The following SHANK1 variants were observed in gnomAD, a reference collection of about 807,000 sequenced individuals.
The protein encoded by SHANK1 is SH3 and multiple ankyrin repeat domains protein 1.
SHANK1 carries 35 observed loss-of-function variants against 165.6 expected under a neutral mutation model. The observed-to-expected ratio is 0.21, with a 90% CI of 0.16 to 0.28. The LOEUF is 0.28. Among genes scored for constraint, SHANK1 ranks in the 10% least tolerant of loss-of-function variants. The probability of loss-of-function intolerance (pLI) is 1.00; values close to 1 mark genes in which losing one functional copy is unlikely to be tolerated. For synonymous variants in SHANK1, 1,428 were observed against 1,384.8 expected (o/e 1.03, Z -0.69); for missense variants, 2,681 against 3,036.4 (o/e 0.88, Z 2.75).
chr19:50,662,583 T>C lies in SHANK1; in HGVS notation c.5868A>G (p.Thr1956=), dbSNP rs1271201208. ...KPPLPPLPTG[T]GVSPTAAAAP... Reference sequence around the variant, plus strand: ...CCGCAGCGGCTGTAGGGGAGACCCCTGTTCCGGTGGGGAGTGGCGGCAGAG... The same window carrying C: ...CCGCAGCGGCTGTAGGGGAGACCCCCGTTCCGGTGGGGAGTGGCGGCAGAG... The change falls in exon 24 of 24, where the codon ACA becomes ACG. Residue 1956 remains threonine (T), a synonymous_variant. Transcript: ENST00000293441. The surrounding 1 kb of genome is among the most constrained non-coding windows in gnomAD (Gnocchi z 7.7). 6.4e-7 allele frequency: 1 copy of C among 1,565,268 alleles called. No homozygotes were observed. The highest frequency in any genetic ancestry group is 1.9e-5 in the Admixed American group (1 of 52,508).
Position 50,688,152 on chromosome 19 carries a change from C to T in SHANK1, c.2173-94G>A, listed in dbSNP as rs1986420826. 1.4e-6 allele frequency: 2 copies of T among 1,463,720 alleles called. No homozygotes were observed. The highest frequency in any genetic ancestry group is 1.9e-6 in the Non-Finnish European group (2 of 1,064,004). The allele number at this position is 1,463,720 out of a possible 1,614,324, so 90.7% of individuals were successfully genotyped here. On this transcript the variant is annotated intron_variant, in intron 17 of 23. Coordinates refer to ENST00000293441, the MANE Select transcript of SHANK1 (RefSeq NM_016148.5). The surrounding 1 kb of genome is among the most constrained non-coding windows in gnomAD (Gnocchi z 6.7). ...CCAAGGAGGATGCCTCCTGCGCTGC[C>T]CTGTCCATGGCCCTCTGGGCTATGT...
intron 19 of SHANK1, among the ~76,000 whole-genome samples, chr19:50,687,261 G>A (rs1335506174): frequency 2.0e-5 from 3 of 151,934 alleles, no homozygotes; most frequent in Non-Finnish European, 2.9e-5. Context: ...GGGGGAGCTG[G>A]TGGAGGGAGA....
intron 21 of SHANK1, among the ~76,000 whole-genome samples, chr19:50,685,346 T>C (rs1417937417): frequency 6.6e-6 from 1 of 152,202 alleles, no homozygotes; most frequent in Non-Finnish European, 1.5e-5. Context: ...CCTCCTTCCT[T>C]GAGCCTCAGT....
Position 50,668,601 on chromosome 19 carries a change from G to A in SHANK1, c.3359C>T (p.Pro1120Leu). Residue 1120 changes from proline (P) to leucine (L), a missense_variant, in exon 23 of 24, where the codon CCC becomes CTC. By Grantham distance (98) the Pro-to-Leu change is moderately conservative. Transcript: ENST00000293441. ...GGGCGGGAGGCCGCCGCCCTTCTGG[G>A]GCTCGCCTTCCACCTTGGTCTGCTT... The part of the protein sequence containing the change: ...LVKQTKVEGE[P>L]QKGGGLPPAP... 1 of 1,367,340 alleles carries A rather than the reference G, an allele frequency of 7.3e-7. No homozygotes were observed. Among genetic ancestry groups the A allele is most frequent in the Non-Finnish European group, 9.5e-7 (1 of 1,056,600 alleles). 84.7% of individuals were successfully genotyped at this position (1,367,340 alleles called of 1,614,324 possible).
rs979114817 is a variant in SHANK1 at position 50,684,303 on chromosome 19, G to A, written c.2577+1934C>T. ...TGCAATGGTGCGATCTCGGCTTACT[G>A]CAACCCCCGCCTCGCGGGTTCAAGC... On this transcript the variant is annotated intron_variant, in intron 21 of 23. Transcript: ENST00000293441. 2.6e-5 allele frequency among the ~76,000 whole-genome samples: 4 copies of A among 151,442 alleles called. 1 individual carries two copies. Among genetic ancestry groups the A allele is most frequent in the Admixed American group, 2.0e-4 (3 of 15,210 alleles).
Position 50,666,095 on chromosome 19 carries a change from GT to G in SHANK1, c.5768+96del, listed in dbSNP as rs1985495720. On this transcript the variant is annotated intron_variant, in intron 23 of 23. Coordinates refer to ENST00000293441, the MANE Select transcript of SHANK1 (RefSeq NM_016148.5). ...GTGACAGCAAACTCCTGCCAACCTG[GT>G]TTCTGTTTCCTTTCTGCCACCCTGA... is the stretch of plus-strand genomic sequence containing the variant. 3 of 1,217,884 alleles carry G rather than the reference GT, an allele frequency of 2.5e-6. No homozygotes were observed. The Admixed American group carries it at 9.4e-5, about 38-fold the overall frequency. 75.4% of individuals were successfully genotyped at this position (1,217,884 alleles called of 1,614,324 possible).
At chr19:50,669,335 C>G (rs1157560892) in intron 22 of SHANK1, 50 bp from the exon 23 acceptor site, 7 of 1,243,276 alleles carry the variant, frequency 5.6e-6, no homozygotes, top group Non-Finnish European at 8.1e-6. Flanking sequence ...GGGAGGGTCT[C>G]CCTGCTCCAC....
At position 50,697,639 on chromosome 19, in the gene SHANK1, T is replaced by C. The variant is rs1416548875; in HGVS notation, c.1887A>G (p.Arg629=). 1 of 1,613,446 alleles carries C rather than the reference T, an allele frequency of 6.2e-7. No homozygotes were observed. The highest frequency in any genetic ancestry group is 1.3e-5 in the African/African-American group (1 of 74,786). ...KQESRSDKAK[R]LFRHYTVGSY... ...AGCCCACGGTATAATGCCGGAAGAG[T>C]CTCTTTGCCTTGTCACTGCGGCTTT... Residue 629 remains arginine (R), a synonymous_variant, in exon 14 of 24, where the codon AGA becomes AGG. Coordinates refer to ENST00000293441, the MANE Select transcript of SHANK1 (RefSeq NM_016148.5). This position sits in a 1 kb window ranked among gnomAD's most constrained non-coding sequence, Gnocchi z 4.7.
rs1239282118 is a variant in SHANK1, at chr19:50,660,374, G to A, written c.*1591C>T. ...AGAGGGAGGATGTGAGGAAGGGTGA[G>A]GGCTGGAGGCAGGGAGAGGCTCGAG... On this transcript the variant is annotated 3_prime_UTR_variant, in exon 24 of 24. Coordinates refer to ENST00000293441, the MANE Select transcript of SHANK1 (RefSeq NM_016148.5). Among the ~76,000 whole-genome samples, 6 of 152,064 alleles carry A rather than the reference G, an allele frequency of 3.9e-5. No individual in the cohort carries two copies. The highest frequency in any genetic ancestry group is 8.8e-5 in the Non-Finnish European group (6 of 67,996).
chr19:50,680,114 G>T (rs745744744), intron 21 of SHANK1, among the ~76,000 whole-genome samples: 5 of 151,980 alleles, frequency 3.3e-5, no homozygotes, highest in Non-Finnish European at 7.4e-5. Context: ...AAAGACAGAT[G>T]GGGGAGAGAG....
intron 4 of SHANK1, among the ~76,000 whole-genome samples, chr19:50,714,565 C>T (rs1481471178): frequency 2.0e-5 from 3 of 151,866 alleles, no homozygotes; most frequent in Non-Finnish European, 2.9e-5. Flanking sequence ...TGTGGTGGCA[C>T]ACGCCTGTAG....
In SHANK1 at chr19:50,713,790, A is replaced by C; in HGVS notation, c.792+8T>G. 1 of 1,612,082 alleles carries C rather than the reference A, an allele frequency of 6.2e-7. No individual in the cohort carries two copies. The highest frequency in any genetic ancestry group is 8.5e-7 in the Non-Finnish European group (1 of 1,179,346). Reference sequence around the variant, plus strand: ...CATGGCGGGGATGGGGGGTCCCCGAAGCCTCACCGTGAGTGCCAGGCAGTG... The same window carrying C: ...CATGGCGGGGATGGGGGGTCCCCGACGCCTCACCGTGAGTGCCAGGCAGTG... On this transcript the variant is annotated splice_region_variant and intron_variant, in intron 6 of 23. Coordinates refer to ENST00000293441, the MANE Select transcript of SHANK1 (RefSeq NM_016148.5). The surrounding 1 kb of genome is among the most constrained non-coding windows in gnomAD (Gnocchi z 6.2).
rs573986834 is a variant in SHANK1, at chr19:50,714,093, A to G, written c.640+89T>C. On this transcript the variant is annotated intron_variant, in intron 5 of 23. Coordinates refer to ENST00000293441, the MANE Select transcript of SHANK1 (RefSeq NM_016148.5). ...GACAGCAATGTGTTTGGGAGACACCAGTCAGGAATGGATGTGAATGCAGAT... is the reference window on the plus strand; with the variant it reads ...GACAGCAATGTGTTTGGGAGACACCGGTCAGGAATGGATGTGAATGCAGAT... 240 of 1,524,798 alleles carry G rather than the reference A, an allele frequency of 1.6e-4. No homozygotes were observed. The African/African-American group carries it at 2.0e-3, about 13-fold the overall frequency. 94.5% of individuals were successfully genotyped at this position (1,524,798 alleles called of 1,614,324 possible). A position where few individuals can be genotyped will look rare whatever the true frequency, so the allele number is the denominator to read the frequency against.
chr19:50,662,064 C>G lies in SHANK1; in HGVS notation c.6387G>C (p.Leu2129=). 1.2e-6 allele frequency: 2 copies of G among 1,614,224 alleles called. No individual in the cohort carries two copies. The highest frequency in any genetic ancestry group is 1.7e-6 in the Non-Finnish European group (2 of 1,180,044). The change falls in exon 24 of 24, where the codon CTG becomes CTC. Residue 2129 remains leucine, a synonymous_variant. Transcript: ENST00000293441. The surrounding 1 kb of genome is among the most constrained non-coding windows in gnomAD (Gnocchi z 7.7). ...CGTAGTCCTCCTTGGTCAAGGCGGG[C>G]AGGTGGGAGCCATCGATCTCGTGGT... ...FLDHEIDGSH[L]PALTKEDYVD...
At chr19:50,692,149 T>C (rs1243247450) in intron 15 of SHANK1, among the ~76,000 whole-genome samples, 1 of 152,048 alleles carries the variant, frequency 6.6e-6, no homozygotes, top group Non-Finnish European at 1.5e-5. Context: ...TGAGCACATA[T>C]ATCCATCTGC....
chr19:50,687,667 A>G lies in SHANK1; in HGVS notation c.2309-5T>C, dbSNP rs1051916756. 1.4e-5 allele frequency: 21 copies of G among 1,484,660 alleles called. No individual in the cohort carries two copies. The highest frequency in any genetic ancestry group is 1.6e-5 in the Non-Finnish European group (18 of 1,117,570). 92.0% of individuals were successfully genotyped at this position (1,484,660 alleles called of 1,614,324 possible). A position where few individuals can be genotyped will look rare whatever the true frequency, so the allele number is the denominator to read the frequency against. ...GCCGCTTGGCCTGCTGGGGTGCTGA[A>G]AAGGTGATGAGGGGAGGCATCAGTA... On this transcript the variant is annotated splice_region_variant and splice_polypyrimidine_tract_variant and intron_variant, in intron 18 of 23. Coordinates refer to ENST00000293441, the MANE Select transcript of SHANK1 (RefSeq NM_016148.5).
rs1986348052 is a variant in SHANK1, at chr19:50,686,661, G to T, written c.2458+83C>A. On this transcript the variant is annotated intron_variant, in intron 20 of 23. Transcript: ENST00000293441. The surrounding 1 kb of genome is among the most constrained non-coding windows in gnomAD (Gnocchi z 5.7). ...CTGGGGCAGGAAGGTGAGGGGCGCC[G>T]TGGGGTTCATGGTGGGACAGGGATG... 1.5e-6 allele frequency: 2 copies of T among 1,311,976 alleles called. No homozygotes were observed. Among genetic ancestry groups the T allele is most frequent in the South Asian group, 2.4e-5 (2 of 82,008 alleles). The allele number at this position is 1,311,976 out of a possible 1,614,324, so 81.3% of individuals were successfully genotyped here. A position where few individuals can be genotyped will look rare whatever the true frequency, so the allele number is the denominator to read the frequency against.
intron 22 of SHANK1, among the ~76,000 whole-genome samples, chr19:50,671,510 G>A (rs1159485064): frequency 1.3e-5 from 2 of 149,948 alleles, no homozygotes; most frequent in East Asian, 3.9e-4. Context: ...TCCATAGCAC[G>A]TACAACTGCT....
At chr19:50,684,265 G>A (rs992165516) in intron 21 of SHANK1, among the ~76,000 whole-genome samples, 2 of 150,446 alleles carry the variant, frequency 1.3e-5, no homozygotes, top group Admixed American at 6.7e-5. Flanking sequence ...CGCTTTTGTC[G>A]CCCAGGCTGG....
Sources: allele counts gnomAD v4.1 joint callset (sites outside exome capture counted in the v4.1 genomes callset), GRCh38; gene constraint gnomAD v4.1.1; non-coding constraint Gnocchi (gnomAD v3.1); transcripts MANE v1.5; gene names NCBI Gene and HGNC (gene_info 2026-07-23, HGNC 2026-07-21).